Variants in FBXL17 observed in about 807,000 individuals in gnomAD.
FBXL17 encodes F-box and leucine rich repeat protein 17, also known as F-box/LRR-repeat protein 17.
A neutral mutation model predicts 66.2 loss-of-function variants in FBXL17; 22 were observed. The observed-to-expected ratio is 0.33, with a 90% CI of 0.24 to 0.47. FBXL17 has a LOEUF of 0.47. FBXL17 is among the 20% of genes least tolerant of loss of function. The pLI is 1.00. For missense variants in FBXL17, 878 were observed against 948.2 expected (o/e 0.93, Z 0.97); for synonymous variants, 474 against 400.5 (o/e 1.18, Z -2.19).
intron 6 of FBXL17, among the ~76,000 whole-genome samples, chr5:108,062,395 A>G (rs545931038): frequency 1.9e-4 from 29 of 152,300 alleles, no homozygotes; most frequent in African/African-American, 6.5e-4. Flanking sequence ...AAATCCATCC[A>G]TGCAAAATTC....
intron 4 of FBXL17, among the ~76,000 whole-genome samples, chr5:108,279,318 C>A (rs1426089962): frequency 6.6e-6 from 1 of 152,114 alleles, no homozygotes; most frequent in Admixed American, 6.5e-5. Context: ...TAGTCCACCA[C>A]CATCACCACT....
At chr5:108,275,113 C>T (rs1403092319) in intron 4 of FBXL17, among the ~76,000 whole-genome samples, 1 of 152,182 alleles carries the variant, frequency 6.6e-6, no homozygotes, top group Non-Finnish European at 1.5e-5. Flanking sequence ...CATATTTAAT[C>T]TCACTTAATG....
chr5:107,870,456 T>C (rs1485057920), intron 8 of FBXL17, among the ~76,000 whole-genome samples: 1 of 152,156 alleles, frequency 6.6e-6, no homozygotes, highest in Non-Finnish European at 1.5e-5. Context: ...CAAAGGTGGC[T>C]TCCATCTGAT....
chr5:108,358,565 T>C (rs1748143944), intron 3 of FBXL17, among the ~76,000 whole-genome samples: 1 of 152,156 alleles, frequency 6.6e-6, no homozygotes, highest in African/African-American at 2.4e-5. Flanking sequence ...ATCCTTTTAA[T>C]CTGGTGCTGA....
chr5:107,879,010 G>T (rs1443054335), intron 8 of FBXL17: 2 of 985,314 alleles, frequency 2.0e-6, no homozygotes, highest in East Asian at 1.1e-4. Flanking sequence ...TCTGAATACT[G>T]TCTCTATTTA....
intron 6 of FBXL17, among the ~76,000 whole-genome samples, chr5:108,153,026 T>C (rs1751830698): frequency 6.6e-6 from 1 of 152,124 alleles, no homozygotes; most frequent in Non-Finnish European, 1.5e-5. Context: ...GTGATGGTTT[T>C]ATAAGGGGGA....
At chr5:108,237,759 C>T (rs1755672000) in intron 4 of FBXL17, among the ~76,000 whole-genome samples, 1 of 152,044 alleles carries the variant, frequency 6.6e-6, no homozygotes, top group Non-Finnish European at 1.5e-5. Flanking sequence ...CCCCATGTAC[C>T]CAGAAGATGA....
intron 6 of FBXL17, among the ~76,000 whole-genome samples, chr5:108,133,767 G>A (rs189928350): frequency 3.3e-5 from 5 of 152,200 alleles, no homozygotes; most frequent in African/African-American, 4.8e-5. Flanking sequence ...CTAGAATTCC[G>A]TATCTATTCT....
At chr5:108,266,087 C>T (rs1757034159) in intron 4 of FBXL17, among the ~76,000 whole-genome samples, 1 of 151,998 alleles carries the variant, frequency 6.6e-6, no homozygotes, top group South Asian at 2.1e-4. Flanking sequence ...AGCTGGGGCA[C>T]ATACTAAAAA....
chr5:108,217,191 T>C (rs563886784), intron 5 of FBXL17, among the ~76,000 whole-genome samples: 24 of 152,146 alleles, frequency 1.6e-4, no homozygotes, highest in African/African-American at 5.5e-4. Context: ...CCACAGTGGA[T>C]ACTCCCATTC....
intron 6 of FBXL17, among the ~76,000 whole-genome samples, chr5:108,060,684 CCT>C (rs1747885080): frequency 6.6e-6 from 1 of 151,994 alleles, no homozygotes; most frequent in Admixed American, 6.6e-5. Context: ...TCTCTCAGAC[CCT>C]GTCTTCCCTG....
intron 8 of FBXL17, among the ~76,000 whole-genome samples, chr5:107,871,211 G>C (rs1223246076): frequency 6.6e-6 from 1 of 152,070 alleles, no homozygotes; most frequent in Non-Finnish European, 1.5e-5. Context: ...GTAATGATTG[G>C]AAGTGCTATG....
intron 6 of FBXL17, among the ~76,000 whole-genome samples, chr5:108,043,086 T>C (rs1368543857): frequency 2.0e-5 from 3 of 152,240 alleles, no homozygotes; most frequent in Non-Finnish European, 2.9e-5. Context: ...TTTTTAATTA[T>C]AAAATTTCAA....
intron 8 of FBXL17, among the ~76,000 whole-genome samples, chr5:107,871,866 A>C (rs868619000): frequency 5.3e-5 from 8 of 152,304 alleles, no homozygotes; most frequent in African/African-American, 1.9e-4. Flanking sequence ...AATTAAACTC[A>C]TGAAGTTAAG....
At chr5:108,013,094 C>T (rs1270663513) in intron 7 of FBXL17, among the ~76,000 whole-genome samples, 1 of 144,470 alleles carries the variant, frequency 6.9e-6, no homozygotes, top group African/African-American at 2.6e-5. Context: ...CCACAGAAAA[C>T]ATCCAATACA....
intron 5 of FBXL17, among the ~76,000 whole-genome samples, chr5:108,214,746 C>A (rs560461756): frequency 6.6e-6 from 1 of 152,226 alleles, no homozygotes; most frequent in East Asian, 1.9e-4. Context: ...CAAAAGTTTT[C>A]TCCTATCTGT....
chr5:108,323,717 C>T (rs183164200), intron 4 of FBXL17, among the ~76,000 whole-genome samples: 48 of 152,060 alleles, frequency 3.2e-4, no homozygotes, highest in African/African-American at 1.0e-3. Context: ...TACAGTAATA[C>T]AAAAAGCGTA....
chr5:108,242,335 C>T (rs977193169), intron 4 of FBXL17, among the ~76,000 whole-genome samples: 5 of 150,372 alleles, frequency 3.3e-5, no homozygotes, highest in Non-Finnish European at 3.0e-5. Flanking sequence ...GCAGGTGCCA[C>T]CATGCCTGGC....
At chr5:108,260,704 T>A (rs1342403863) in intron 4 of FBXL17, among the ~76,000 whole-genome samples, 1 of 152,026 alleles carries the variant, frequency 6.6e-6, no homozygotes, top group Non-Finnish European at 1.5e-5. Context: ...AAGGAAACTG[T>A]ATTGTGCCTG....
Sources: allele counts gnomAD v4.1 joint callset (sites outside exome capture counted in the v4.1 genomes callset), GRCh38; gene constraint gnomAD v4.1.1; transcripts MANE v1.5; gene names NCBI Gene and HGNC (gene_info 2026-07-23, HGNC 2026-07-21).